Variants in ZNF503 observed in about 807,000 individuals in gnomAD.
The protein encoded by ZNF503 is zinc finger protein 503.
A neutral mutation model predicts 34.4 loss-of-function variants in ZNF503; 15 were observed. The observed-to-expected ratio is 0.44, with a 90% confidence interval of 0.29 to 0.67. ZNF503 has a LOEUF of 0.67. ZNF503 is among the 30% of genes least tolerant of loss of function. The pLI is 0.13. For missense variants in ZNF503, 1,007 were observed against 926.8 expected (o/e 1.09, Z -1.12); for synonymous variants, 580 against 456.8 (o/e 1.27, Z -3.44).
chr10:75,373,180 G>A, the ZNF503 span, among the ~76,000 whole-genome samples: 11 of 152,226 alleles, frequency 7.2e-5, no homozygotes, highest in African/African-American at 4.8e-5. Context: ...TGGGCATTGC[G>A]CTTGGCTGCA....
downstream of ZNF503, among the ~76,000 whole-genome samples, chr10:75,393,454 G>C (rs1455521566): frequency 1.3e-5 from 2 of 152,188 alleles, no homozygotes; most frequent in Non-Finnish European, 2.9e-5. Context: ...TGAGTTGGAG[G>C]GGGTAGCGAG....
the ZNF503 span, among the ~76,000 whole-genome samples, chr10:75,311,641 T>G: frequency 2.9e-5 from 4 of 135,754 alleles, no homozygotes; most frequent in Admixed American, 1.6e-4. Context: ...CTGGCCCATA[T>G]GCCGAAACCC....
chr10:75,353,038 G>A, the ZNF503 span, among the ~76,000 whole-genome samples: 1 of 152,258 alleles, frequency 6.6e-6, no homozygotes, highest in Non-Finnish European at 1.5e-5. Context: ...GTCCTCGTAG[G>A]AGGGGAGAAA....
chr10:75,312,076 C>A, the ZNF503 span, among the ~76,000 whole-genome samples: 1 of 152,078 alleles, frequency 6.6e-6, no homozygotes, highest in East Asian at 1.9e-4. Context: ...GCATGTTTAT[C>A]ATGGCTGCTT....
chr10:75,400,172 G>A lies in ZNF503; in HGVS notation c.518C>T (p.Ser173Leu), dbSNP rs1248271716. The change falls in exon 2 of 2, where the codon TCG becomes TTG. Residue 173 changes from serine to leucine, a missense_variant. Ser to Leu is a moderately radical substitution (Grantham distance 145). Transcript: ENST00000372524. Reference sequence around the variant, plus strand: ...GGGTTTGGAGTACGGCTTGAAACTCGACTTGTCCTCCACGCCGATGTCGCT... The same window carrying A: ...GGGTTTGGAGTACGGCTTGAAACTCAACTTGTCCTCCACGCCGATGTCGCT... ...KLSDIGVEDK[S>L]SFKPYSKPGS... 2.5e-6 allele frequency: 4 copies of A among 1,571,414 alleles called. No individual in the cohort carries two copies. Among genetic ancestry groups the A allele is most frequent in the Non-Finnish European group, 2.6e-6 (3 of 1,160,166 alleles).
chr10:75,322,044 G>A, the ZNF503 span, among the ~76,000 whole-genome samples: 6 of 151,872 alleles, frequency 4.0e-5, no homozygotes, highest in East Asian at 5.8e-4. Flanking sequence ...AGCCCAATAC[G>A]AAATAGTACT....
the ZNF503 span, among the ~76,000 whole-genome samples, chr10:75,301,899 G>C: frequency 1.3e-5 from 2 of 152,002 alleles, no homozygotes; most frequent in Non-Finnish European, 2.9e-5. Flanking sequence ...GCTAAGAGAA[G>C]AAGTAAGAAA....
the ZNF503 span, among the ~76,000 whole-genome samples, chr10:75,299,431 C>T: frequency 5.3e-5 from 8 of 151,972 alleles, no homozygotes; most frequent in Admixed American, 2.0e-4. Flanking sequence ...GTATTACTGT[C>T]GAATTATCTA....
chr10:75,396,359 C>T (rs1178050138), downstream of ZNF503, among the ~76,000 whole-genome samples: 1 of 152,140 alleles, frequency 6.6e-6, no homozygotes, highest in African/African-American at 2.4e-5. The surrounding 1 kb of genome is among the most constrained non-coding windows in gnomAD (Gnocchi z 4.4). Flanking sequence ...GGTGTGGAGA[C>T]GGCGGCGGAG....
chr10:75,292,547 G>A, the ZNF503 span, among the ~76,000 whole-genome samples: 1 of 152,216 alleles, frequency 6.6e-6, no homozygotes, highest in Admixed American at 6.5e-5. Context: ...CAAAAGGATT[G>A]AAGAGCATAT....
chr10:75,399,005 G>C lies in ZNF503; in HGVS notation c.1685C>G (p.Ala562Gly), dbSNP rs772269152. The change falls in exon 2 of 2, where the codon GCC becomes GGC. Residue 562 changes from alanine to glycine, a missense_variant. Transcript: ENST00000372524. ...LSGYPSSSSL[A>G]SAAAAAMACH... ...AGCCATGGCGGCCGCGGCAGCGCTG[G>C]CCAGAGACGACGAGCTGGGGTAGCC... The C allele has an allele frequency of 5.6e-6, 9 of 1,608,114 alleles. No homozygotes were observed. In the South Asian group the frequency reaches 7.7e-5, roughly 14 times the overall value.
the ZNF503 span, among the ~76,000 whole-genome samples, chr10:75,342,304 T>G: frequency 6.6e-6 from 1 of 152,084 alleles, no homozygotes; most frequent in Admixed American, 6.6e-5. Flanking sequence ...TCCCACTTGT[T>G]TTTTTGGTCA....
the ZNF503 span, among the ~76,000 whole-genome samples, chr10:75,371,267 A>G: frequency 6.6e-6 from 1 of 152,162 alleles, no homozygotes; most frequent in Non-Finnish European, 1.5e-5. Context: ...GTGGATCAAG[A>G]AAGGTCTGGA....
the ZNF503 span, among the ~76,000 whole-genome samples, chr10:75,312,013 G>A: frequency 6.6e-5 from 10 of 152,046 alleles, 1 homozygote; most frequent in South Asian, 2.1e-3. Context: ...CCAAACAGCT[G>A]GGATTACACC....
At chr10:75,366,533 G>A in the ZNF503 span, among the ~76,000 whole-genome samples, 5 of 152,186 alleles carry the variant, frequency 3.3e-5, no homozygotes, top group East Asian at 1.9e-4. Flanking sequence ...CCACTTAACC[G>A]CTCTGCCTCT....
At chr10:75,391,149 T>C in the ZNF503 span, among the ~76,000 whole-genome samples, 1 of 152,192 alleles carries the variant, frequency 6.6e-6, no homozygotes, top group African/African-American at 2.4e-5. Context: ...CTTCAGTCCA[T>C]AGCAGCCTTG....
chr10:75,354,571 T>C, the ZNF503 span, among the ~76,000 whole-genome samples: 1 of 151,828 alleles, frequency 6.6e-6, no homozygotes, highest in Admixed American at 6.6e-5. Flanking sequence ...AAAAATTGGC[T>C]AGGCATTGTG....
chr10:75,303,582 A>G, the ZNF503 span, among the ~76,000 whole-genome samples: 2 of 152,140 alleles, frequency 1.3e-5, no homozygotes, highest in Non-Finnish European at 2.9e-5. Flanking sequence ...TTCTTAATTC[A>G]CACTTGTGTC....
the ZNF503 span, among the ~76,000 whole-genome samples, chr10:75,323,639 C>T: frequency 6.6e-6 from 1 of 152,104 alleles, no homozygotes; most frequent in Admixed American, 6.6e-5. Flanking sequence ...AGCATCTTTT[C>T]ATGTGCTTAT....
Sources: allele counts gnomAD v4.1 joint callset (sites outside exome capture counted in the v4.1 genomes callset), GRCh38; gene constraint gnomAD v4.1.1; non-coding constraint Gnocchi (gnomAD v3.1); transcripts MANE v1.5; gene names NCBI Gene and HGNC (gene_info 2026-07-23, HGNC 2026-07-21).